The following RBFOX1 variants were observed in gnomAD, a reference collection of about 807,000 sequenced individuals.
RBFOX1 encodes RNA binding fox-1 homolog 1, also known as RNA binding protein fox-1 homolog 1.
RBFOX1 carries 8 observed loss-of-function variants against 57.7 expected under a neutral mutation model. The observed-to-expected ratio is 0.14, with a 90% confidence interval of 0.08 to 0.25. The LOEUF (loss-of-function observed/expected upper bound fraction) is 0.25, where lower values mean the gene tolerates loss of function less well. Among genes scored for constraint, RBFOX1 ranks in the 10% least tolerant of loss-of-function variants. RBFOX1 has a pLI of 1.00. For synonymous variants in RBFOX1, 326 were observed against 222.4 expected (o/e 1.47, Z -4.15); for missense variants, 611 against 548.5 (o/e 1.11, Z -1.14).
intron 4 of RBFOX1, among the ~76,000 whole-genome samples, chr16:7,446,340 G>T (rs994227644): frequency 6.6e-6 from 1 of 152,142 alleles, no homozygotes; most frequent in African/African-American, 2.4e-5. Flanking sequence ...GTTGTCCCAG[G>T]AATGAAAATG....
chr16:6,401,511 C>G (rs1374342674), intron 2 of RBFOX1, among the ~76,000 whole-genome samples: 2 of 152,062 alleles, frequency 1.3e-5, no homozygotes, highest in South Asian at 2.1e-4. Context: ...ATGAAATGAT[C>G]TTTTATTTGG....
chr16:6,147,719 G>A (rs1462101265), intron 1 of RBFOX1, among the ~76,000 whole-genome samples: 1 of 152,134 alleles, frequency 6.6e-6, no homozygotes. Flanking sequence ...CAACTCAAAA[G>A]CCTCCCCAGT....
intron 2 of RBFOX1, among the ~76,000 whole-genome samples, chr16:6,479,637 C>G (rs921693737): frequency 8.5e-5 from 13 of 152,076 alleles, no homozygotes; most frequent in Admixed American, 1.3e-4. Context: ...CTCATGGGAA[C>G]TCACCCACTA....
intron 2 of RBFOX1, among the ~76,000 whole-genome samples, chr16:5,529,834 C>G (rs934356693): frequency 5.9e-5 from 9 of 152,128 alleles, no homozygotes; most frequent in Non-Finnish European, 1.3e-4. Flanking sequence ...TCCCAAAGTG[C>G]TGGAATTACA....
At chr16:6,218,571 A>G (rs1054392400) in intron 1 of RBFOX1, among the ~76,000 whole-genome samples, 2 of 152,082 alleles carry the variant, frequency 1.3e-5, no homozygotes, top group African/African-American at 2.4e-5. Flanking sequence ...CGGCCTCCCA[A>G]AGTGCTGGGA....
chr16:6,818,397 A>G (rs535747318), intron 3 of RBFOX1, among the ~76,000 whole-genome samples: 1 of 152,264 alleles, frequency 6.6e-6, no homozygotes, highest in African/African-American at 2.4e-5. Context: ...GAAGAAATGA[A>G]CTTCATCTGA....
In RBFOX1 at chr16:7,347,990, G is replaced by C. The variant is rs534847045; in HGVS notation, c.28-170157G>C. ...GTTTGTAGAAAGCAAGGCCCACCTT[G>C]GTGCCAGTCTTAACGAGCAGTCAAT... is the stretch of plus-strand genomic sequence containing the variant. On this transcript the variant is annotated intron_variant, in intron 4 of 15. Transcript: ENST00000550418. Among the ~76,000 whole-genome samples, 9 of 152,294 alleles carry C rather than the reference G, an allele frequency of 5.9e-5. No individual in the cohort carries two copies. The East Asian group carries it at 1.5e-3, about 26-fold the overall frequency.
intron 3 of RBFOX1, among the ~76,000 whole-genome samples, chr16:6,939,510 T>TC (rs1555651205): frequency 7.4e-5 from 11 of 148,162 alleles, no homozygotes; most frequent in Non-Finnish European, 1.2e-4. Context: ...TTCTTTCTTT[T>TC]TTTTTTTTTC....
intron 3 of RBFOX1, among the ~76,000 whole-genome samples, chr16:6,787,803 A>C (rs909844023): frequency 6.6e-6 from 1 of 152,162 alleles, no homozygotes; most frequent in East Asian, 1.9e-4. Flanking sequence ...CCATAATACA[A>C]CTTAATCCAC....
At chr16:7,486,428 T>C (rs2065412680) in intron 4 of RBFOX1, among the ~76,000 whole-genome samples, 1 of 152,058 alleles carries the variant, frequency 6.6e-6, no homozygotes, top group Non-Finnish European at 1.5e-5. Context: ...TGAGCCATGG[T>C]ACCCGGCCTT....
intron 3 of RBFOX1, among the ~76,000 whole-genome samples, chr16:5,717,486 C>T (rs1409563202): frequency 6.6e-6 from 1 of 152,128 alleles, no homozygotes. Context: ...AATATGTAGT[C>T]TTTTATCTCT....
intron 4 of RBFOX1, among the ~76,000 whole-genome samples, chr16:7,214,453 C>G (rs964275854): frequency 6.6e-6 from 1 of 152,062 alleles, no homozygotes; most frequent in Non-Finnish European, 1.5e-5. Flanking sequence ...ATCACCGTGT[C>G]TTGCCATGCC....
chr16:7,311,742 C>G (rs1162788521), intron 4 of RBFOX1, among the ~76,000 whole-genome samples: 1 of 152,108 alleles, frequency 6.6e-6, no homozygotes, highest in Non-Finnish European at 1.5e-5. Context: ...TCACAAAATT[C>G]AGATGAAAAA....
Position 6,304,105 on chromosome 16 carries a change from C to T in RBFOX1, c.-126-12890C>T, listed in dbSNP as rs754728052. On this transcript the variant is annotated intron_variant, in intron 1 of 15. Coordinates refer to ENST00000550418, the MANE Select transcript of RBFOX1 (RefSeq NM_018723.4). ...GATTACAGGTGTGAGCCACTGCGCC[C>T]AGCCCAAACCCCATCTTCACTAAAA... 1.8e-4 allele frequency among the ~76,000 whole-genome samples: 27 copies of T among 151,694 alleles called. 1 individual carries two copies. The highest frequency in any genetic ancestry group is 7.9e-4 in the Admixed American group (12 of 15,228).
chr16:7,016,857 A>T (rs539237384), intron 3 of RBFOX1, among the ~76,000 whole-genome samples: 1 of 152,270 alleles, frequency 6.6e-6, no homozygotes, highest in Admixed American at 6.5e-5. Flanking sequence ...GCTGCAGAGA[A>T]CTTAAGACTG....
chr16:5,925,830 C>T (rs190900987), intron 4 of RBFOX1, among the ~76,000 whole-genome samples: 1 of 152,340 alleles, frequency 6.6e-6, no homozygotes, highest in East Asian at 1.9e-4. Flanking sequence ...GCATAAACCT[C>T]CAAATAACTA....
intron 3 of RBFOX1, among the ~76,000 whole-genome samples, chr16:5,675,200 G>A (rs2151424765): frequency 6.6e-6 from 1 of 151,948 alleles, no homozygotes; most frequent in South Asian, 2.1e-4. Flanking sequence ...ACATCCACAT[G>A]CACATGCATG....
At chr16:6,082,146 T>A (rs908455929) in intron 1 of RBFOX1, among the ~76,000 whole-genome samples, 2 of 151,572 alleles carry the variant, frequency 1.3e-5, no homozygotes, top group Non-Finnish European at 2.9e-5. Flanking sequence ...AAACAACTTA[T>A]GATTTGTTGG....
At chr16:5,629,984 T>C (rs2151301382) in intron 3 of RBFOX1, among the ~76,000 whole-genome samples, 1 of 152,278 alleles carries the variant, frequency 6.6e-6, no homozygotes, top group Admixed American at 6.5e-5. Context: ...TGCTGTTATT[T>C]GGTTGGGGAT....
Sources: allele counts gnomAD v4.1 joint callset (sites outside exome capture counted in the v4.1 genomes callset), GRCh38; gene constraint gnomAD v4.1.1; transcripts MANE v1.5; gene names NCBI Gene and HGNC (gene_info 2026-07-23, HGNC 2026-07-21).